Variants in TMEM74 observed in about 807,000 individuals in gnomAD.
The protein encoded by TMEM74 is transmembrane protein 74.
In TMEM74, 13 loss-of-function variants were observed where a neutral mutation model predicts 18.1. The observed-to-expected ratio is 0.72, with a 90% CI of 0.47 to 1.14. The LOEUF is 1.14. TMEM74 is among the 50% of genes most tolerant of loss of function. The pLI is 0.00. For missense variants in TMEM74, 372 were observed against 375.9 expected, an observed-to-expected ratio of 0.99 and a Z score of 0.09; for synonymous variants, 159 against 146.6, an observed-to-expected ratio of 1.08 and a Z score of -0.61.
intron 2 of TMEM74, among the ~76,000 whole-genome samples, chr8:108,617,868 C>T (rs3019377): frequency 0.22 from 33,142 of 151,992 alleles, 3,649 homozygotes; most frequent in East Asian, 0.27. Flanking sequence ...CCCCGCTATA[C>T]CTCAAGCAGT....
intron 1 of TMEM74, among the ~76,000 whole-genome samples, chr8:108,660,048 C>A (rs2130580160): frequency 6.6e-6 from 1 of 152,306 alleles, no homozygotes; most frequent in East Asian, 1.9e-4. Flanking sequence ...TGCCTTCCTT[C>A]TACAGAATTT....
intron 1 of TMEM74, among the ~76,000 whole-genome samples, chr8:108,704,029 C>A (rs1813365000): frequency 6.6e-6 from 1 of 152,256 alleles, no homozygotes; most frequent in East Asian, 1.9e-4. Flanking sequence ...GAACTGACAG[C>A]AGTGAAAATT....
intron 2 of TMEM74, among the ~76,000 whole-genome samples, chr8:108,640,755 T>C (rs920405551): frequency 1.3e-5 from 2 of 152,154 alleles, no homozygotes; most frequent in African/African-American, 4.8e-5. Flanking sequence ...TTTGGCCTAG[T>C]TGGTATCTTG....
rs1193736919 is a variant in TMEM74, at chr8:108,642,433, A to G, written n.264+12860T>C. 2.0e-5 allele frequency among the ~76,000 whole-genome samples: 3 copies of G among 151,740 alleles called. No homozygotes were observed. The East Asian group carries it at 5.8e-4, about 29-fold the overall frequency. ...AGAGAGAAAATATATGTGTTCAATT[A>G]TTTGTGTGATACATCTGTTAATTGC... On this transcript the variant is annotated intron_variant and non_coding_transcript_variant, in intron 2 of 3. Coordinates refer to the TMEM74 transcript ENST00000518838.
intron 2 of TMEM74, among the ~76,000 whole-genome samples, chr8:108,650,702 T>TTTTATTTATTTATTTATTTATTTA (rs71564014): frequency 9.9e-5 from 15 of 151,062 alleles, no homozygotes; most frequent in African/African-American, 3.6e-4. Context: ...GAGGCATTCT[T>TTTTATTTATTTATTTATTTATTTA]TTTATTTATT....
At chr8:108,673,959 A>T (rs1586255935) in intron 1 of TMEM74, among the ~76,000 whole-genome samples, 2 of 152,196 alleles carry the variant, frequency 1.3e-5, no homozygotes, top group Admixed American at 6.5e-5. Flanking sequence ...CAAACATTTT[A>T]AAAATTTCCT....
chr8:108,686,355 C>T (rs1206824539), intron 1 of TMEM74, among the ~76,000 whole-genome samples: 1 of 151,472 alleles, frequency 6.6e-6, no homozygotes, highest in African/African-American at 2.4e-5. Flanking sequence ...CCTGCCACCG[C>T]GCCCGGCTAA....
At chr8:108,749,328 T>G (rs1036965207) in intron 1 of TMEM74, among the ~76,000 whole-genome samples, 3 of 152,236 alleles carry the variant, frequency 2.0e-5, no homozygotes, top group Admixed American at 6.5e-5. Flanking sequence ...CTGATTTCCT[T>G]GAGCAGTGGT....
intron 1 of TMEM74, among the ~76,000 whole-genome samples, chr8:108,714,887 G>A (rs920322419): frequency 6.6e-6 from 1 of 152,164 alleles, no homozygotes; most frequent in Non-Finnish European, 1.5e-5. Flanking sequence ...AACGTGGATG[G>A]AGCTGGAGGC....
chr8:108,677,616 C>T (rs1813066813), intron 1 of TMEM74, among the ~76,000 whole-genome samples: 1 of 151,558 alleles, frequency 6.6e-6, no homozygotes, highest in Admixed American at 6.6e-5. Context: ...AGAAATGCCT[C>T]AAACTTGACT....
rs3049749 is a variant in TMEM74 at position 108,706,776 on chromosome 8, GGTGTGTGTGTGT to G, written n.120-51351_120-51340del. Among the ~76,000 whole-genome samples, 29 of 144,972 alleles carry G rather than the reference GGTGTGTGTGTGT, an allele frequency of 2.0e-4. 1 individual carries two copies. The highest frequency in any genetic ancestry group is 4.5e-4 in the South Asian group (2 of 4,424). ...AACATTAGCTTCTAGAATTACAAGG[GGTGTGTGTGTGT>G]GTGTGTGTGTGTGTGTGTGTGTATG... On this transcript the variant is annotated intron_variant and non_coding_transcript_variant, in intron 1 of 3. Transcript: ENST00000518838.
intron 1 of TMEM74, among the ~76,000 whole-genome samples, chr8:108,686,353 C>A (rs7014316): frequency 0.029 from 4,454 of 152,014 alleles, 121 homozygotes; most frequent in African/African-American, 0.066. Context: ...CACCTGCCAC[C>A]GCGCCCGGCT....
intron 1 of TMEM74, among the ~76,000 whole-genome samples, chr8:108,756,149 A>G (rs1364421844): frequency 1.3e-5 from 2 of 152,044 alleles, no homozygotes; most frequent in Admixed American, 6.6e-5. Flanking sequence ...TCAAACGATT[A>G]GGTTTTATCC....
chr8:108,749,636 C>T (rs1813885292), intron 1 of TMEM74, among the ~76,000 whole-genome samples: 1 of 152,104 alleles, frequency 6.6e-6, no homozygotes, highest in African/African-American at 2.4e-5. Context: ...TTTGGATGCC[C>T]TTTATTTCTT....
At chr8:108,611,506 T>C (rs373981098) in intron 2 of TMEM74, among the ~76,000 whole-genome samples, 108 of 152,240 alleles carry the variant, frequency 7.1e-4, no homozygotes, top group Non-Finnish European at 8.8e-4. Flanking sequence ...TTTTCTAGGA[T>C]ACAGTTGTGC....
intron 1 of TMEM74, among the ~76,000 whole-genome samples, chr8:108,695,498 T>C (rs532393927): frequency 2.0e-4 from 30 of 152,218 alleles, no homozygotes; most frequent in Non-Finnish European, 3.7e-4. Context: ...AATGACTCTA[T>C]GTCATAGTTA....
chr8:108,607,923 C>A (rs1446769791), intron 3 of TMEM74, among the ~76,000 whole-genome samples: 1 of 151,904 alleles, frequency 6.6e-6, no homozygotes, highest in Non-Finnish European at 1.5e-5. Flanking sequence ...GATTACAATC[C>A]TGTGTGTATG....
At position 108,780,521 on chromosome 8, in the gene TMEM74, A is replaced by C. The variant is rs1361274894; in HGVS notation, c.*3660T>G. On this transcript the variant is annotated 3_prime_UTR_variant, in exon 2 of 2. Transcript: ENST00000297459. ...GTCACCCCTTATACTGGGGGGACTG[A>C]GGTAAAGGCACACATAAGTTTGGCA... 6.6e-6 allele frequency among the ~76,000 whole-genome samples: 1 copy of C among 152,216 alleles called. No individual in the cohort carries two copies. The highest frequency in any genetic ancestry group is 2.4e-5 in the African/African-American group (1 of 41,454).
chr8:108,784,861 C>A lies in TMEM74; in HGVS notation c.238G>T (p.Ala80Ser), dbSNP rs1211415430. The A allele has an allele frequency of 1.9e-5, 30 of 1,614,054 alleles. No homozygotes were observed. The highest frequency in any genetic ancestry group is 2.5e-5 in the Non-Finnish European group (29 of 1,180,034). ...GAGTGGAGAAGTCCTGGTGGAAAGGCATCTGGCTGAAGAGTACTGTTTTGC... is the reference window on the plus strand; with the variant it reads ...GAGTGGAGAAGTCCTGGTGGAAAGGAATCTGGCTGAAGAGTACTGTTTTGC... ...SLQNSTLQPD[A>S]FPPGLLHSGN... The change falls in exon 2 of 2, where the codon GCC becomes TCC. Residue 80 changes from alanine to serine, a missense_variant. Coordinates refer to ENST00000297459, the MANE Select transcript of TMEM74 (RefSeq NM_153015.3).
Sources: allele counts gnomAD v4.1 joint callset (sites outside exome capture counted in the v4.1 genomes callset), GRCh38; gene constraint gnomAD v4.1.1; transcripts MANE v1.5; gene names NCBI Gene and HGNC (gene_info 2026-07-23, HGNC 2026-07-21).